The following TMEM167A variants were observed in gnomAD, a reference collection of about 807,000 sequenced individuals.
TMEM167A encodes protein kish-A.
Under a neutral mutation model 11.6 loss-of-function variants are expected in TMEM167A, and 8 were observed. The ratio of observed to expected loss-of-function variants is 0.69; its 90% CI spans 0.40 to 1.24. The LOEUF is 1.24. Among genes scored for constraint, TMEM167A ranks in the 50% most tolerant of loss-of-function variants. TMEM167A has a pLI of 0.01. For missense variants in TMEM167A, 62 were observed against 87.0 expected, an observed-to-expected ratio of 0.71 and a Z score of 1.14; for synonymous variants, 22 against 28.0, an observed-to-expected ratio of 0.79 and a Z score of 0.67.
At chr5:83,069,176 T>C (rs1744527000) in intron 1 of TMEM167A, among the ~76,000 whole-genome samples, 1 of 152,134 alleles carries the variant, frequency 6.6e-6, no homozygotes, top group Admixed American at 6.5e-5. Flanking sequence ...TAATCTTAGG[T>C]GGTAAGTCTT....
chr5:83,064,945 G>T, intron 2 of TMEM167A, 63 bp downstream of exon 2: 2 of 962,782 alleles, frequency 2.1e-6, no homozygotes, highest in Non-Finnish European at 3.2e-6. Context: ...TAATTTATAT[G>T]TTAACTTACA....
At chr5:83,070,773 T>G (rs1044201090) in intron 1 of TMEM167A, among the ~76,000 whole-genome samples, 7 of 152,174 alleles carry the variant, frequency 4.6e-5, no homozygotes, top group Non-Finnish European at 8.8e-5. Context: ...TTTCTCATTT[T>G]CAGAGTCATT....
At chr5:83,070,583 C>G (rs1405122631) in intron 1 of TMEM167A, among the ~76,000 whole-genome samples, 1 of 152,116 alleles carries the variant, frequency 6.6e-6, no homozygotes, top group Non-Finnish European at 1.5e-5. Context: ...TTGGCCACCA[C>G]TACAGGAGAT....
chr5:83,073,715 A>G (rs1246165881), intron 1 of TMEM167A, among the ~76,000 whole-genome samples: 1 of 152,218 alleles, frequency 6.6e-6, no homozygotes, highest in African/African-American at 2.4e-5. Flanking sequence ...AAATCCATGC[A>G]GACATGGGAA....
intron 1 of TMEM167A, among the ~76,000 whole-genome samples, chr5:83,076,654 CATGCATCCTTTGTCCAGAA>C (rs1744672264): frequency 6.6e-6 from 1 of 152,214 alleles, no homozygotes; most frequent in Admixed American, 6.5e-5. Flanking sequence ...TATTTGCAGG[CATGCATCCTTTGTCCAGAA>C]ATATACATAA....
chr5:83,066,896 C>T (rs1486843704), intron 1 of TMEM167A, among the ~76,000 whole-genome samples: 1 of 152,138 alleles, frequency 6.6e-6, no homozygotes, highest in East Asian at 1.9e-4. Flanking sequence ...TGATGCTCCT[C>T]CCTCCTTTTC....
intron 1 of TMEM167A, 57 bp downstream of exon 1, chr5:83,077,264 C>G: frequency 1.9e-6 from 3 of 1,614,080 alleles, no homozygotes; most frequent in South Asian, 2.2e-5. Context: ...CAGCCCTAGT[C>G]TAGATCCACA....
chr5:83,061,941 G>T, intron 2 of TMEM167A, 30 bp from the exon 3 acceptor site: 1 of 1,579,618 alleles, frequency 6.3e-7, no homozygotes, highest in Non-Finnish European at 8.7e-7. Context: ...AAAAAAAGTA[G>T]CTATTGATTA....
In TMEM167A at chr5:83,077,331, C is replaced by A; in HGVS notation, c.-8G>T. ...AGCCCCACTTCTTACCATAGCGAGG[C>A]CGGCGATGCCGCAGCCACATCACCC... On this transcript the variant is annotated 5_prime_UTR_variant, in exon 1 of 4. Transcript: ENST00000502346. The A allele has an allele frequency of 6.2e-7, 1 of 1,614,212 alleles. No homozygotes were observed. Among genetic ancestry groups the A allele is most frequent in the Non-Finnish European group, 8.5e-7 (1 of 1,180,024 alleles).
At position 83,054,539 on chromosome 5, in the gene TMEM167A, T is replaced by C. The variant is rs1279528298; in HGVS notation, c.*2545A>G. On this transcript the variant is annotated 3_prime_UTR_variant, in exon 4 of 4. Coordinates refer to ENST00000502346, the MANE Select transcript of TMEM167A (RefSeq NM_174909.5). ...TAACAACAGGTCTATATGATAGAGA[T>C]ATTCCATCTGAGCTGGAGGCCATTA... is the stretch of plus-strand genomic sequence containing the variant. The C allele has an allele frequency of 1.3e-5, 2 of 151,956 alleles. No individual in the cohort carries two copies. The allele number at this position is 151,956 out of a possible 1,614,324, so 9.4% of individuals were successfully genotyped here.
chr5:83,075,064 G>A (rs1352913300), intron 1 of TMEM167A, among the ~76,000 whole-genome samples: 1 of 152,052 alleles, frequency 6.6e-6, no homozygotes, highest in African/African-American at 2.4e-5. Context: ...ACTCTTAATG[G>A]AGTAATAACT....
At chr5:83,062,490 T>C (rs557950187) in intron 2 of TMEM167A, among the ~76,000 whole-genome samples, 3 of 152,246 alleles carry the variant, frequency 2.0e-5, no homozygotes, top group South Asian at 4.1e-4. Context: ...TAAAGGACAC[T>C]CTATGTGAAT....
chr5:83,059,402 A>C (rs1580173014), intron 3 of TMEM167A, among the ~76,000 whole-genome samples: 2 of 152,026 alleles, frequency 1.3e-5, no homozygotes, highest in Non-Finnish European at 2.9e-5. Flanking sequence ...ATGCATTAGC[A>C]ATTTAATAAA....
Position 83,057,061 on chromosome 5 carries a change from C to G in TMEM167A, c.*23G>C. ...TGTTCACAATCAAATCTGATGGCAA[C>G]TACATTCTGGCATTTTCCCCAGCTA... On this transcript the variant is annotated 3_prime_UTR_variant, in exon 4 of 4. Coordinates refer to ENST00000502346, the MANE Select transcript of TMEM167A (RefSeq NM_174909.5). 6.2e-7 allele frequency: 1 copy of G among 1,607,348 alleles called. No homozygotes were observed. Among genetic ancestry groups the G allele is most frequent in the South Asian group, 1.1e-5 (1 of 90,882 alleles).
rs1295678396 is a variant in TMEM167A at position 83,053,934 on chromosome 5, G to A, written c.*3150C>T. 5 of 152,028 alleles carry A rather than the reference G, an allele frequency of 3.3e-5. No individual in the cohort carries two copies. The highest frequency in any genetic ancestry group is 7.4e-5 in the Non-Finnish European group (5 of 67,952). The allele number at this position is 152,028 out of a possible 1,614,324, so 9.4% of individuals were successfully genotyped here. On this transcript the variant is annotated 3_prime_UTR_variant, in exon 4 of 4. Transcript: ENST00000502346. ...TATGAATTACTACGAGGAAGAATCT[G>A]TGTGCCTATCTTCCTGTCTTCAGTG...
chr5:83,063,846 C>CT (rs1414434011), intron 2 of TMEM167A, among the ~76,000 whole-genome samples: 3 of 151,962 alleles, frequency 2.0e-5, no homozygotes, highest in Admixed American at 6.6e-5. Flanking sequence ...ATGTAGTAAT[C>CT]TTTTTTTCTG....
At chr5:83,063,175 G>A (rs934708198) in intron 2 of TMEM167A, among the ~76,000 whole-genome samples, 2 of 151,974 alleles carry the variant, frequency 1.3e-5, no homozygotes, top group African/African-American at 4.8e-5. Context: ...CTGAAAATAA[G>A]CTAAAATAAA....
At chr5:83,069,280 T>C (rs1744528737) in intron 1 of TMEM167A, among the ~76,000 whole-genome samples, 1 of 152,162 alleles carries the variant, frequency 6.6e-6, no homozygotes, top group Non-Finnish European at 1.5e-5. Flanking sequence ...TAGCATCTGT[T>C]GTCTGGTGAC....
chr5:83,077,319 A>G lies in TMEM167A; in HGVS notation c.3+2T>C. 1 of 1,614,150 alleles carries G rather than the reference A, an allele frequency of 6.2e-7. No homozygotes were observed. The highest frequency in any genetic ancestry group is 1.6e-4 in the Middle Eastern group (1 of 6,062). On this transcript the variant is annotated splice_donor_variant, in intron 1 of 3. Coordinates refer to ENST00000502346, the MANE Select transcript of TMEM167A (RefSeq NM_174909.5). LOFTEE classifies it high-confidence loss of function. ...CCGCGACCTGGGAGCCCCACTTCTT[A>G]CCATAGCGAGGCCGGCGATGCCGCA...
Sources: gnomAD v4.1 joint callset for allele counts (sites outside exome capture counted in the v4.1 genomes callset) on GRCh38, gnomAD v4.1.1 for gene constraint, MANE v1.5 for transcripts, NCBI Gene and HGNC (gene_info 2026-07-23, HGNC 2026-07-21) for gene names.